GALNT13: variants seen among roughly 807,000 people sequenced by gnomAD.
GALNT13 encodes UDP-GalNAc:polypeptide N-acetylgalactosaminyltransferase 13.
GALNT13 carries 28 observed loss-of-function variants against 64.2 expected under a neutral mutation model. That is an observed-to-expected ratio of 0.44 (90% CI 0.32 to 0.60). The LOEUF (loss-of-function observed/expected upper bound fraction) is 0.60, where lower values mean the gene tolerates loss of function less well. Among genes scored for constraint, GALNT13 ranks in the 20% least tolerant of loss-of-function variants. GALNT13 has a pLI of 0.05. For missense variants in GALNT13, 577 were observed against 669.8 expected, an observed-to-expected ratio of 0.86 and a Z score of 1.53; for synonymous variants, 214 against 224.6, an observed-to-expected ratio of 0.95 and a Z score of 0.42.
chr2:153,413,495 C>T, the GALNT13 span, among the ~76,000 whole-genome samples: 1 of 152,182 alleles, frequency 6.6e-6, no homozygotes, highest in East Asian at 1.9e-4. Context: ...TATCCATATC[C>T]ATATTTCCTA....
chr2:153,699,200 C>T, the GALNT13 span, among the ~76,000 whole-genome samples: 2 of 152,044 alleles, frequency 1.3e-5, no homozygotes, highest in Non-Finnish European at 2.9e-5. Context: ...CAAAAATACA[C>T]AACTACATGG....
chr2:154,338,210 G>T (rs1319379809), intron 9 of GALNT13, among the ~76,000 whole-genome samples: 1 of 152,118 alleles, frequency 6.6e-6, no homozygotes, highest in East Asian at 1.9e-4. Flanking sequence ...CTTTTTAAAA[G>T]TAGAAGCTGA....
At chr2:153,419,033 C>T in the GALNT13 span, among the ~76,000 whole-genome samples, 2 of 152,076 alleles carry the variant, frequency 1.3e-5, no homozygotes, top group Non-Finnish European at 2.9e-5. Context: ...CATACAATGA[C>T]TTGGATGGTG....
At chr2:153,264,491 T>A in the GALNT13 span, among the ~76,000 whole-genome samples, 1 of 152,226 alleles carries the variant, frequency 6.6e-6, no homozygotes, top group African/African-American at 2.4e-5. Flanking sequence ...TGCACTTGTA[T>A]GCTCATTGTA....
At chr2:153,169,218 T>C in the GALNT13 span, among the ~76,000 whole-genome samples, 3 of 152,174 alleles carry the variant, frequency 2.0e-5, no homozygotes, top group Non-Finnish European at 2.9e-5. Context: ...GCAAAAAGAT[T>C]GACCTGAGAA....
the GALNT13 span, among the ~76,000 whole-genome samples, chr2:153,588,564 G>A: frequency 1.8e-4 from 28 of 152,130 alleles, no homozygotes; most frequent in African/African-American, 6.5e-4. Context: ...TGGCTGGGAT[G>A]CAGGGCACCC....
chr2:153,129,921 T>C, the GALNT13 span, among the ~76,000 whole-genome samples: 1 of 152,200 alleles, frequency 6.6e-6, no homozygotes, highest in Non-Finnish European at 1.5e-5. Context: ...TTTATGACGT[T>C]TAAAAGACAC....
chr2:153,168,510 A>T, the GALNT13 span, among the ~76,000 whole-genome samples: 1 of 152,172 alleles, frequency 6.6e-6, no homozygotes, highest in Admixed American at 6.5e-5. Context: ...AAGCTAATTA[A>T]CGCATCTCTC....
At chr2:154,216,690 T>C (rs1480041149) in intron 4 of GALNT13, among the ~76,000 whole-genome samples, 1 of 151,994 alleles carries the variant, frequency 6.6e-6, no homozygotes, top group East Asian at 1.9e-4. Context: ...TTTATATTCA[T>C]GCCCATCTGT....
chr2:153,425,642 A>T, the GALNT13 span, among the ~76,000 whole-genome samples: 2 of 152,034 alleles, frequency 1.3e-5, no homozygotes, highest in South Asian at 4.1e-4. Context: ...TGAGAAAATG[A>T]TATGAAGCAC....
chr2:153,204,530 T>C, the GALNT13 span, among the ~76,000 whole-genome samples: 5 of 152,182 alleles, frequency 3.3e-5, no homozygotes, highest in African/African-American at 1.2e-4. Context: ...GGTCAAGTTC[T>C]GTAACAGCCA....
intron 9 of GALNT13, among the ~76,000 whole-genome samples, chr2:154,383,375 T>C (rs1378638019): frequency 1.3e-5 from 2 of 151,996 alleles, no homozygotes; most frequent in African/African-American, 4.8e-5. Flanking sequence ...AATCTTTAGA[T>C]GTCATAAAGA....
At chr2:153,514,598 T>G in the GALNT13 span, among the ~76,000 whole-genome samples, 12 of 152,082 alleles carry the variant, frequency 7.9e-5, no homozygotes, top group Non-Finnish European at 1.3e-4. Context: ...ACATCTCCCC[T>G]CTCTTCTCCT....
intron 9 of GALNT13, among the ~76,000 whole-genome samples, chr2:154,304,424 G>A (rs1019942688): frequency 1.3e-5 from 2 of 152,110 alleles, no homozygotes; most frequent in African/African-American, 4.8e-5. Context: ...GTTCAAATAT[G>A]AATAAAGGAG....
the GALNT13 span, among the ~76,000 whole-genome samples, chr2:153,651,442 C>A: frequency 6.6e-6 from 1 of 152,102 alleles, no homozygotes; most frequent in Non-Finnish European, 1.5e-5. Context: ...TGGCTTGGGG[C>A]AGTATAGACA....
intron 10 of GALNT13, among the ~76,000 whole-genome samples, chr2:154,408,704 C>T (rs1699660667): frequency 6.6e-6 from 1 of 152,016 alleles, no homozygotes; most frequent in Non-Finnish European, 1.5e-5. Context: ...GCAGCTGCTT[C>T]CTTCTTCTAT....
the GALNT13 span, among the ~76,000 whole-genome samples, chr2:153,265,868 G>C: frequency 6.6e-6 from 1 of 152,152 alleles, no homozygotes; most frequent in Non-Finnish European, 1.5e-5. Context: ...AAACTTAGTT[G>C]ATAAAATGGC....
rs572423399 is a variant in GALNT13, at chr2:154,251,371, G to C, written c.857+5389G>C. On this transcript the variant is annotated intron_variant, in intron 7 of 12. Coordinates refer to ENST00000392825, the MANE Select transcript of GALNT13 (RefSeq NM_052917.4). ...CCTAGGAATTATTAAAAAGGATTTA[G>C]GGAAAAAAATAACTACTCCTTTATT... Among the ~76,000 whole-genome samples, 8 of 152,078 alleles carry C rather than the reference G, an allele frequency of 5.3e-5. No homozygotes were observed. In the South Asian group the frequency reaches 8.3e-4, roughly 16 times the overall value.
the GALNT13 span, among the ~76,000 whole-genome samples, chr2:153,855,399 A>G: frequency 6.6e-6 from 1 of 152,160 alleles, no homozygotes; most frequent in Non-Finnish European, 1.5e-5. Context: ...ACAAGGAAAA[A>G]ACAAAACAAC....
Sources: allele counts gnomAD v4.1 joint callset (sites outside exome capture counted in the v4.1 genomes callset), GRCh38; gene constraint gnomAD v4.1.1; transcripts MANE v1.5; gene names NCBI Gene and HGNC (gene_info 2026-07-23, HGNC 2026-07-21).